PATJ: variants seen among roughly 807,000 people sequenced by gnomAD.
PATJ encodes the protein PATJ crumbs cell polarity complex component.
A neutral mutation model predicts 224.9 loss-of-function variants in PATJ; 190 were observed. The ratio of observed to expected loss-of-function variants is 0.84; its 90% CI spans 0.75 to 0.95. The LOEUF is 0.95. Among genes scored for constraint, PATJ ranks in the 40% least tolerant of loss-of-function variants. The pLI, the probability that PATJ is intolerant of heterozygous loss-of-function variation, is 0.00. For missense variants in PATJ, 2,121 were observed against 2,270.3 expected (o/e 0.93, Z 1.34); for synonymous variants, 769 against 820.3 (o/e 0.94, Z 1.07).
In PATJ at chr1:62,044,163, ATTG is replaced by A. The variant is rs1402697205; in HGVS notation, c.4032+6119_4032+6121del. 4.6e-5 allele frequency among the ~76,000 whole-genome samples: 7 copies of A among 152,262 alleles called. No individual in the cohort carries two copies. In the East Asian group the frequency reaches 1.3e-3, roughly 29 times the overall value. On this transcript the variant is annotated intron_variant, in intron 30 of 43. Transcript: ENST00000642238. ...TTAGAGATTTTCAAGAATACAGTACATTGTTGTACATTGTTATTAACTGTGGTC... is the reference window on the plus strand; with the variant it reads ...TTAGAGATTTTCAAGAATACAGTACATTGTACATTGTTATTAACTGTGGTC...
At chr1:61,943,848 T>C (rs1485476963) in intron 27 of PATJ, among the ~76,000 whole-genome samples, 3 of 152,162 alleles carry the variant, frequency 2.0e-5, no homozygotes, top group African/African-American at 7.2e-5. Context: ...AGAGGGTGAC[T>C]GACACCTCAT....
intron 22 of PATJ, among the ~76,000 whole-genome samples, chr1:61,885,886 A>T (rs1668754335): frequency 2.0e-5 from 3 of 151,986 alleles, no homozygotes. Flanking sequence ...AGGGACATGG[A>T]TGAAATTGGA....
intron 17 of PATJ, among the ~76,000 whole-genome samples, chr1:61,847,986 G>A (rs1346630767): frequency 6.6e-6 from 1 of 152,110 alleles, no homozygotes; most frequent in Non-Finnish European, 1.5e-5. Flanking sequence ...TGACCAAAAT[G>A]TACATCAATT....
At chr1:61,929,972 A>C (rs2149297833) in intron 27 of PATJ, among the ~76,000 whole-genome samples, 1 of 152,354 alleles carries the variant, frequency 6.6e-6, no homozygotes, top group East Asian at 1.9e-4. Flanking sequence ...GCTCATATGC[A>C]CAGGCACATA....
intron 33 of PATJ, among the ~76,000 whole-genome samples, chr1:62,088,818 T>C (rs1660355568): frequency 6.8e-6 from 1 of 147,898 alleles, no homozygotes; most frequent in South Asian, 2.1e-4. Flanking sequence ...ATAGAATATA[T>C]AGAACATATA....
chr1:62,106,883 C>T (rs1436712178), intron 33 of PATJ, among the ~76,000 whole-genome samples: 2 of 152,134 alleles, frequency 1.3e-5, no homozygotes, highest in African/African-American at 4.8e-5. Context: ...AGCCCTTGAC[C>T]ATTGCCAGCA....
intron 33 of PATJ, among the ~76,000 whole-genome samples, chr1:62,103,765 A>C (rs528237811): frequency 1.3e-5 from 2 of 152,232 alleles, no homozygotes; most frequent in East Asian, 3.9e-4. Context: ...ACCCAAAAAA[A>C]AAAAAAAAGC....
chr1:62,113,402 C>T (rs370195630), intron 34 of PATJ, among the ~76,000 whole-genome samples: 3 of 152,086 alleles, frequency 2.0e-5, no homozygotes, highest in South Asian at 4.1e-4. Context: ...TTTGAAAGTC[C>T]GAGGCAGGAG....
At chr1:61,784,069 A>C (rs1486545968) in intron 7 of PATJ, among the ~76,000 whole-genome samples, 1 of 152,182 alleles carries the variant, frequency 6.6e-6, no homozygotes, top group African/African-American at 2.4e-5. Flanking sequence ...ACAGGTGTAC[A>C]TTCACTGTAA....
At chr1:62,031,612 A>G (rs1413351860) in intron 29 of PATJ, among the ~76,000 whole-genome samples, 1 of 152,210 alleles carries the variant, frequency 6.6e-6, no homozygotes, top group Non-Finnish European at 1.5e-5. Context: ...TAGGGATTTT[A>G]ACTTGCGTAT....
chr1:61,913,410 G>A (rs892193961), intron 25 of PATJ, among the ~76,000 whole-genome samples: 2 of 152,074 alleles, frequency 1.3e-5, no homozygotes, highest in Admixed American at 1.3e-4. Flanking sequence ...GTCTCCCTTT[G>A]TTGTCCAGGC....
rs11381578 is a variant in PATJ at position 62,067,123 on chromosome 1, CTTTTT to C, written c.4126-12310_4126-12306del. Among the ~76,000 whole-genome samples, 677 of 116,408 alleles carry C rather than the reference CTTTTT, an allele frequency of 5.8e-3. 5 individuals are homozygous for C. The highest frequency in any genetic ancestry group is 0.021 in the African/African-American group (651 of 31,388). The allele number at this position is 116,408 out of a possible 152,430, so 76.4% of individuals were successfully genotyped here. On this transcript the variant is annotated intron_variant, in intron 31 of 43. Coordinates refer to ENST00000642238, the MANE Select transcript of PATJ (RefSeq NM_001350145.3). ...GCCCCTCTCATAATTCCTATTCTTT[CTTTTT>C]TTTTTTTTTTTTTTTTGAGATGGAG... is the stretch of plus-strand genomic sequence containing the variant.
chr1:62,137,500 G>A (rs74213907), intron 41 of PATJ, among the ~76,000 whole-genome samples: 3 of 10,232 alleles, frequency 2.9e-4, no homozygotes, highest in Non-Finnish European at 4.8e-4. Context: ...CTGGAGGGGG[G>A]AACACAGAGT....
chr1:62,023,992 G>C (rs774121440), intron 29 of PATJ, among the ~76,000 whole-genome samples: 6 of 152,178 alleles, frequency 3.9e-5, no homozygotes, highest in Non-Finnish European at 8.8e-5. Flanking sequence ...TTTATGTGGT[G>C]AATCACATTT....
intron 16 of PATJ, 105 bp downstream of exon 16, chr1:61,827,688 T>C: frequency 2.8e-6 from 3 of 1,074,958 alleles, no homozygotes; most frequent in Non-Finnish European, 3.8e-6. Flanking sequence ...TCCACTCTGC[T>C]CTTTTTTTGC....
intron 27 of PATJ, among the ~76,000 whole-genome samples, chr1:61,973,988 C>A (rs1557971566): frequency 6.8e-6 from 1 of 146,528 alleles, no homozygotes; most frequent in Non-Finnish European, 1.5e-5. Context: ...TCATAAAGAT[C>A]TTTTTTTTTT....
chr1:61,976,651 A>C (rs920955247), intron 27 of PATJ, among the ~76,000 whole-genome samples: 3 of 151,674 alleles, frequency 2.0e-5, no homozygotes, highest in Non-Finnish European at 4.4e-5. Context: ...CAGGTAATCC[A>C]CCCACCTCAG....
intron 31 of PATJ, among the ~76,000 whole-genome samples, chr1:62,077,901 A>C (rs1658595618): frequency 6.6e-6 from 1 of 152,226 alleles, no homozygotes; most frequent in African/African-American, 2.4e-5. Context: ...AAAGAAAAAA[A>C]GTAATATTTA....
chr1:62,029,175 T>G (rs769540259), intron 29 of PATJ, among the ~76,000 whole-genome samples: 1 of 152,224 alleles, frequency 6.6e-6, no homozygotes, highest in Non-Finnish European at 1.5e-5. Context: ...CTATTTGGGA[T>G]GCCTTGAAAT....
Sources: allele counts gnomAD v4.1 joint callset (sites outside exome capture counted in the v4.1 genomes callset), GRCh38; gene constraint gnomAD v4.1.1; transcripts MANE v1.5; gene names NCBI Gene and HGNC (gene_info 2026-07-23, HGNC 2026-07-21).